Variants in NEK5 observed in about 807,000 individuals in gnomAD.
NEK5 encodes NIMA related kinase 5.
In NEK5, 88 loss-of-function variants were observed where a neutral mutation model predicts 109.2. The observed-to-expected ratio is 0.81, with a 90% CI of 0.68 to 0.96. The LOEUF is 0.96. NEK5 is among the 40% of genes least tolerant of loss of function. The pLI is 0.00. For missense variants in NEK5, 834 were observed against 920.7 expected, an observed-to-expected ratio of 0.91 and a Z score of 1.22; for synonymous variants, 283 against 299.9, an observed-to-expected ratio of 0.94 and a Z score of 0.58.
chr13:52,117,335 G>T (rs904864945), intron 4 of NEK5, among the ~76,000 whole-genome samples: 5 of 152,154 alleles, frequency 3.3e-5, no homozygotes, highest in Non-Finnish European at 7.3e-5. Flanking sequence ...AGGCTACAAG[G>T]CCTCTGAGGC....
At chr13:52,051,318 C>T (rs1261116471) in intron 22 of NEK5, among the ~76,000 whole-genome samples, 1 of 152,060 alleles carries the variant, frequency 6.6e-6, no homozygotes, top group Non-Finnish European at 1.5e-5. Context: ...CTATTTCCTT[C>T]CACTTCTGCT....
At chr13:52,044,125 T>C (rs1378702033) in intron 23 of NEK5, among the ~76,000 whole-genome samples, 1 of 152,232 alleles carries the variant, frequency 6.6e-6, no homozygotes. Flanking sequence ...CTTCGCAGCC[T>C]ACAGCTTTCT....
intron 12 of NEK5, among the ~76,000 whole-genome samples, chr13:52,094,413 A>C (rs1031545417): frequency 2.6e-5 from 4 of 152,238 alleles, no homozygotes; most frequent in Non-Finnish European, 5.9e-5. Context: ...TCCTCATGTA[A>C]AGAGGTAACA....
intron 4 of NEK5, among the ~76,000 whole-genome samples, chr13:52,115,601 CAAAAAAAAAAA>C (rs71088014): frequency 3.0e-3 from 150 of 49,230 alleles, no homozygotes; most frequent in Non-Finnish European, 3.9e-3. Context: ...GAGACTCCGT[CAAAAAAAAAAA>C]AAAAAAAAAA....
At chr13:52,065,676 TC>T (rs1954678651) in intron 20 of NEK5, 67 bp from the exon 21 acceptor site, 1 of 1,152,176 alleles carries the variant, frequency 8.7e-7, no homozygotes, top group Admixed American at 1.8e-5. Flanking sequence ...CCCAAACACT[TC>T]TTAGGAACTC....
chr13:52,078,583 A>G (rs1257169132), intron 17 of NEK5, among the ~76,000 whole-genome samples: 4 of 134,408 alleles, frequency 3.0e-5, no homozygotes, highest in Non-Finnish European at 6.6e-5. Context: ...ATTATATCTC[A>G]ATAAAACTGT....
At position 52,050,183 on chromosome 13, in the gene NEK5, C is replaced by G. The variant is rs1031362372; in HGVS notation, c.2149G>C (p.Asp717His). Residue 717 changes from aspartate (D) to histidine (H), a missense_variant, in exon 23 of 24, where the codon GAT becomes CAT. By Grantham distance (81) the Asp-to-His change is moderately conservative (BLOSUM62 -1). Around this residue, in one of 2 missense-constraint regions of NEK5, gnomAD observed 57 missense variants for 96.0 expected, o/e 0.59. Transcript: ENST00000684899. Reference sequence around the variant, plus strand: ...GAGACCATTTCTACCTTCCCTTCATCTTCTTCTTTGGGTAGCCATTGTTTT... The same window carrying G: ...GAGACCATTTCTACCTTCCCTTCATGTTCTTCTTTGGGTAGCCATTGTTTT... ...TLKQWLPKEE[D>H]EGKVEMVSGI... 8.1e-6 allele frequency: 8 copies of G among 985,506 alleles called. No homozygotes were observed. In the African/African-American group the frequency reaches 1.4e-4, roughly 17 times the overall value. The allele number at this position is 985,506 out of a possible 1,614,324, so 61.0% of individuals were successfully genotyped here.
intron 4 of NEK5, among the ~76,000 whole-genome samples, chr13:52,118,541 A>G (rs1419608560): frequency 1.3e-5 from 2 of 152,080 alleles, no homozygotes; most frequent in African/African-American, 4.8e-5. Flanking sequence ...ATGCTCCTTC[A>G]TTTATTATTT....
At chr13:52,092,954 G>A in intron 13 of NEK5, 100 bp downstream of exon 13, 1 of 788,624 alleles carries the variant, frequency 1.3e-6, no homozygotes, top group Non-Finnish European at 2.0e-6. Flanking sequence ...GTTCTTCTTG[G>A]ATTATTTGTG....
At chr13:52,110,297 G>T in intron 7 of NEK5, 43 bp downstream of exon 7, 1 of 1,201,892 alleles carries the variant, frequency 8.3e-7, no homozygotes, top group Non-Finnish European at 1.2e-6. Flanking sequence ...TACATATTTG[G>T]GCTATTTTGA....
chr13:52,089,217 A>G, intron 14 of NEK5, 30 bp downstream of exon 14: 1 of 1,351,562 alleles, frequency 7.4e-7, no homozygotes, highest in Non-Finnish European at 1.1e-6. Context: ...GAAATTCCTA[A>G]TTGCTTCCCA....
In NEK5 at chr13:52,034,129, A is replaced by G. The variant is rs1016658630; in HGVS notation, c.*2819T>C. On this transcript the variant is annotated 3_prime_UTR_variant, in exon 24 of 24. Coordinates refer to ENST00000684899, the MANE Select transcript of NEK5 (RefSeq NM_001365552.1). ...ACTTATTGCTACCATTTACAGAATG[A>G]TCAATTTGATAGCTATCATACATGG... is the stretch of plus-strand genomic sequence containing the variant. 2 of 152,180 alleles carry G rather than the reference A, an allele frequency of 1.3e-5. No individual in the cohort carries two copies. Among genetic ancestry groups the G allele is most frequent in the African/African-American group, 4.8e-5 (2 of 41,418 alleles). The allele number at this position is 152,180 out of a possible 1,614,324, so 9.4% of individuals were successfully genotyped here.
chr13:52,099,646 G>A, intron 12 of NEK5, 97 bp downstream of exon 12: 2 of 1,355,284 alleles, frequency 1.5e-6, no homozygotes, highest in Non-Finnish European at 2.0e-6. Context: ...CTCCAGCCTG[G>A]CGACAGAGCG....
intron 16 of NEK5, among the ~76,000 whole-genome samples, chr13:52,085,959 C>T (rs1955132500): frequency 6.6e-6 from 1 of 152,098 alleles, no homozygotes; most frequent in South Asian, 2.1e-4. Context: ...TGCATCTAAT[C>T]CAGCTCTGGT....
chr13:52,061,378 T>C (rs1351944166), intron 22 of NEK5, among the ~76,000 whole-genome samples: 1 of 152,036 alleles, frequency 6.6e-6, no homozygotes, highest in East Asian at 1.9e-4. Flanking sequence ...GGCCCGAGGG[T>C]TGGGGGCTCC....
chr13:52,110,363 A>G lies in NEK5; in HGVS notation c.444T>C (p.Phe148=). 6.2e-7 allele frequency: 1 copy of G among 1,612,948 alleles called. No homozygotes were observed. Residue 148 remains phenylalanine, a synonymous_variant, in exon 7 of 24, where the codon TTT becomes TTC. Coordinates refer to ENST00000684899, the MANE Select transcript of NEK5 (RefSeq NM_001365552.1). The stretch of plus-strand genomic sequence containing the variant: ...ACTTATTCAGGACTCTTGCTATACC[A>G]AAGTCCCCAAGCTTTGCCACCATTC... ...KNGMVAKLGD[F]GIARVLNNSM...
chr13:52,072,926 A>C lies in NEK5; in HGVS notation c.1723-856T>G, dbSNP rs187955560. 5.9e-5 allele frequency among the ~76,000 whole-genome samples: 9 copies of C among 152,360 alleles called. 1 individual carries two copies. The East Asian group carries it at 9.6e-4, about 16-fold the overall frequency. On this transcript the variant is annotated intron_variant, in intron 19 of 23. Transcript: ENST00000684899. Reference sequence around the variant, plus strand: ...ATAGGTCTGATAAAACCAGGATAAAAAAAGATTTTGAAATCAACTAATAAA... The same window carrying C: ...ATAGGTCTGATAAAACCAGGATAAACAAAGATTTTGAAATCAACTAATAAA...
rs865842232 is a variant in NEK5, at chr13:52,064,461, C to T, written c.1975+1023G>A. Among the ~76,000 whole-genome samples the T allele has an allele frequency of 2.4e-3, 360 of 147,442 alleles. 2 individuals carry two copies. Among genetic ancestry groups the T allele is most frequent in the African/African-American group, 7.9e-3 (320 of 40,316 alleles). On this transcript the variant is annotated intron_variant, in intron 21 of 23. Transcript: ENST00000684899. ...CGGGAGGGAGGTGGGGGGGGTCAGC[C>T]CCCCGCCCGGCCAGCCGCCCCGTCT...
intron 12 of NEK5, among the ~76,000 whole-genome samples, chr13:52,096,051 C>G (rs1311861865): frequency 6.6e-6 from 1 of 152,090 alleles, no homozygotes; most frequent in Non-Finnish European, 1.5e-5. Context: ...TCTTTTCCTC[C>G]TGCATGTAAG....
Sources: gnomAD v4.1 joint callset for allele counts (sites outside exome capture counted in the v4.1 genomes callset) on GRCh38, gnomAD v4.1.1 for gene constraint, gnomAD v4.1.1 regional missense constraint, MANE v1.5 for transcripts, NCBI Gene and HGNC (gene_info 2026-07-23, HGNC 2026-07-21) for gene names.